The following PAX8 variants were observed in gnomAD, a reference collection of about 807,000 sequenced individuals.
The protein encoded by PAX8 is paired box protein Pax-8.
Under a neutral mutation model 52.4 loss-of-function variants are expected in PAX8, and 15 were observed. The ratio of observed to expected loss-of-function variants is 0.29; its 90% CI spans 0.19 to 0.44. The LOEUF is 0.44. Ranked by LOEUF, PAX8 falls within the 20% of genes least tolerant of loss-of-function variation. The pLI is 1.00. For missense variants in PAX8, 554 were observed against 602.5 expected (o/e 0.92, Z 0.84); for synonymous variants, 284 against 249.7 (o/e 1.14, Z -1.29).
chr2:113,236,554 T>G (rs1349903261), intron 8 of PAX8, 47 bp downstream of exon 8: 6 of 1,540,344 alleles, frequency 3.9e-6, no homozygotes, highest in Non-Finnish European at 8.7e-7. Context: ...AGCCAAGCTC[T>G]TCAGTCCCCC....
intron 2 of PAX8, chr2:113,259,709 A>AATTC (rs386390935): frequency 1.6e-4 from 25 of 151,988 alleles, no homozygotes; most frequent in Non-Finnish European, 4.4e-5. Flanking sequence ...CGAAAGCATT[A>AATTC]ATTGATGAAA....
intron 10 of PAX8, chr2:113,226,797 C>T: frequency 8.2e-7 from 1 of 1,218,756 alleles, no homozygotes; most frequent in Non-Finnish European, 1.0e-6. Context: ...ATCTTCCACT[C>T]ACAGTGTTTT....
At chr2:113,222,967 C>G (rs1158318338) in intron 10 of PAX8, among the ~76,000 whole-genome samples, 1 of 151,970 alleles carries the variant, frequency 6.6e-6, no homozygotes, top group Non-Finnish European at 1.5e-5. Context: ...CCTTGCTGTT[C>G]CTTCTCTGTT....
chr2:113,241,915 C>T (rs1283912520), intron 6 of PAX8, 93 bp downstream of exon 6: 1 of 1,516,680 alleles, frequency 6.6e-7, no homozygotes, highest in Non-Finnish European at 9.1e-7. Context: ...CCTACAAAGT[C>T]CCATATCATA....
intron 11 of PAX8, among the ~76,000 whole-genome samples, chr2:113,218,838 C>T (rs188505994): frequency 6.6e-6 from 1 of 152,324 alleles, no homozygotes; most frequent in Non-Finnish European, 1.5e-5. Context: ...GCCCCTTCCC[C>T]CTATGGCTGC....
Position 113,217,990 on chromosome 2 carries a change from G to A in PAX8, c.*543C>T, listed in dbSNP as rs1025531642. 6 of 233,520 alleles carry A rather than the reference G, an allele frequency of 2.6e-5. No individual in the cohort carries two copies. Among genetic ancestry groups the A allele is most frequent in the African/African-American group, 1.3e-4 (6 of 45,356 alleles). The allele number at this position is 233,520 out of a possible 1,614,324, so 14.5% of individuals were successfully genotyped here. A position where few individuals can be genotyped will look rare whatever the true frequency, so the allele number is the denominator to read the frequency against. ...GCCAAGCAAATGGAGTGGAGAAAGA[G>A]GACAGCCAGAGCCTCCGTGTGGGGC... On this transcript the variant is annotated 3_prime_UTR_variant, in exon 12 of 12. Coordinates refer to ENST00000429538, the MANE Select transcript of PAX8 (RefSeq NM_003466.4).
chr2:113,249,029 G>A lies in PAX8; in HGVS notation c.26-2110C>T, dbSNP rs138478379. On this transcript the variant is annotated intron_variant, in intron 2 of 11. Transcript: ENST00000429538. ...CTCTGCCCTGGGCAGTAAGTCAGGA[G>A]GAAAAGCCCTCTGGCCAAACACCCA... 5.3e-4 allele frequency among the ~76,000 whole-genome samples: 81 copies of A among 152,356 alleles called. 1 individual carries two copies. The highest frequency in any genetic ancestry group is 1.8e-3 in the African/African-American group (73 of 41,588).
At chr2:113,236,576 G>A in intron 8 of PAX8, 25 bp downstream of exon 8, 1 of 1,550,778 alleles carries the variant, frequency 6.4e-7, no homozygotes. Context: ...CCCTCCACCT[G>A]CCAGGGAGGC....
rs67776659 is a variant in PAX8, at chr2:113,227,017, T to C, written c.1189+138A>G. On this transcript the variant is annotated intron_variant, in intron 10 of 11. Coordinates refer to ENST00000429538, the MANE Select transcript of PAX8 (RefSeq NM_003466.4). ...TCGTCTCCAGGCATTTACAAGGAGATGCCCTCTTTGGTCCATCCTTCAATG... is the reference window on the plus strand; with the variant it reads ...TCGTCTCCAGGCATTTACAAGGAGACGCCCTCTTTGGTCCATCCTTCAATG... The C allele has an allele frequency of 0.14, 221,029 of 1,531,292 alleles. 17,320 individuals carry two copies. The highest frequency in any genetic ancestry group is 0.25 in the African/African-American group (18,167 of 72,956). The allele number at this position is 1,531,292 out of a possible 1,614,324, so 94.9% of individuals were successfully genotyped here.
rs1413029023 is a variant in PAX8, at chr2:113,241,733, C to T, written c.602-7G>A. 7 of 1,613,262 alleles carry T rather than the reference C, an allele frequency of 4.3e-6. No individual in the cohort carries two copies. Among genetic ancestry groups the T allele is most frequent in the African/African-American group, 2.7e-5 (2 of 74,886 alleles). On this transcript the variant is annotated splice_region_variant and splice_polypyrimidine_tract_variant and intron_variant, in intron 6 of 11. Transcript: ENST00000429538. ...CGGCAGCTATCCTGATCACCTGGTA[C>T]CCCCCGGGAAGGAAGAAAGCTTTTA... is the stretch of plus-strand genomic sequence containing the variant.
intron 2 of PAX8, among the ~76,000 whole-genome samples, chr2:113,258,155 C>A (rs1692399264): frequency 6.6e-6 from 1 of 152,190 alleles, no homozygotes; most frequent in South Asian, 2.1e-4. Flanking sequence ...AACACACTTC[C>A]AAGTCCTCTC....
In PAX8 at chr2:113,241,532, C is replaced by T; in HGVS notation, c.777+19G>A. The T allele has an allele frequency of 6.3e-7, 1 of 1,592,076 alleles. No individual in the cohort carries two copies. The highest frequency in any genetic ancestry group is 8.5e-7 in the Non-Finnish European group (1 of 1,169,940). The stretch of plus-strand genomic sequence containing the variant: ...GGCCCTTGCCCACCCTGTTCACCTC[C>T]CAGGGCCCAGCTTCTCACCTGCTCG... On this transcript the variant is annotated intron_variant, in intron 7 of 11. Transcript: ENST00000429538.
chr2:113,260,556 G>C (rs1692590624), intron 2 of PAX8, among the ~76,000 whole-genome samples: 1 of 152,126 alleles, frequency 6.6e-6, no homozygotes. Flanking sequence ...GAAACCATGA[G>C]AGTAGGGGTA....
rs888495028 is a variant in PAX8, at chr2:113,217,461, A to G, written c.*1072T>C. ...GAAGCCCCACAGGGCAAAGAGAGAC[A>G]TTTCACTCAGAGGCCAAAGTCTGGG... On this transcript the variant is annotated 3_prime_UTR_variant, in exon 12 of 12. Transcript: ENST00000429538. The G allele has an allele frequency of 4.4e-6, 1 of 229,222 alleles. No homozygotes were observed. The highest frequency in any genetic ancestry group is 2.2e-5 in the African/African-American group (1 of 45,028). The allele number at this position is 229,222 out of a possible 1,614,324, so 14.2% of individuals were successfully genotyped here. A position where few individuals can be genotyped will look rare whatever the true frequency, so the allele number is the denominator to read the frequency against.
rs1689038572 is a variant in PAX8, at chr2:113,216,672, C to G, written c.*1861G>C. ...GTCCTGGCCACACTACACTCTACCT[C>G]TCCATTCAGTCAGGTCAAATCTTTA... On this transcript the variant is annotated 3_prime_UTR_variant, in exon 12 of 12. Transcript: ENST00000429538. The G allele has an allele frequency of 8.8e-6, 2 of 226,724 alleles. No homozygotes were observed. The highest frequency in any genetic ancestry group is 3.6e-4 in the South Asian group (2 of 5,482). 14.0% of individuals were successfully genotyped at this position (226,724 alleles called of 1,614,324 possible).
intron 2 of PAX8, chr2:113,270,823 C>A (rs1229184296): frequency 1.3e-5 from 2 of 151,620 alleles, no homozygotes; most frequent in African/African-American, 2.4e-5. Flanking sequence ...ATAAAAAAGA[C>A]AAAACCAATG....
In PAX8 at chr2:113,241,582, T is replaced by G. The variant is rs765765994; in HGVS notation, c.746A>C (p.Tyr249Ser). The G allele has an allele frequency of 6.2e-7, 1 of 1,610,684 alleles. No individual in the cohort carries two copies. Among genetic ancestry groups the G allele is most frequent in the Non-Finnish European group, 8.5e-7 (1 of 1,179,290 alleles). Residue 249 changes from tyrosine to serine, a missense_variant, in exon 7 of 12, where the codon TAT (tyrosine) becomes TCT (serine). Transcript: ENST00000429538. ...GCCTTTGGTGTGGCTGGGGGAGGCA[T>G]AGGCCTCTGGGTAGTGCTGCCGCTC... ...PFERQHYPEA[Y>S]ASPSHTKGEQ...
chr2:113,278,160 G>A (rs1266658951), intron 2 of PAX8, among the ~76,000 whole-genome samples: 2 of 152,232 alleles, frequency 1.3e-5, no homozygotes, highest in Admixed American at 1.3e-4. Flanking sequence ...CCGGGCAAGG[G>A]CGGCTCAGCT....
At chr2:113,247,030 T>G in intron 2 of PAX8, 111 bp from the exon 3 acceptor site, 1 of 1,067,814 alleles carries the variant, frequency 9.4e-7, no homozygotes, top group Non-Finnish European at 1.4e-6. Flanking sequence ...ACTGTGACCA[T>G]GAAATCCCAC....
Sources: gnomAD v4.1 joint callset for allele counts (sites outside exome capture counted in the v4.1 genomes callset) on GRCh38, gnomAD v4.1.1 for gene constraint, MANE v1.5 for transcripts, NCBI Gene and HGNC (gene_info 2026-07-23, HGNC 2026-07-21) for gene names.